SYNE1: variants seen among roughly 807,000 people sequenced by gnomAD.
The protein encoded by SYNE1 is spectrin repeat containing nuclear envelope protein 1, also known as nesprin-1.
A neutral mutation model predicts 1,111.0 loss-of-function variants in SYNE1; 616 were observed. The observed-to-expected ratio is 0.55, with a 90% CI of 0.52 to 0.59. The LOEUF (loss-of-function observed/expected upper bound fraction) is 0.59. Ranked by LOEUF, SYNE1 falls within the 20% of genes least tolerant of loss-of-function variation. The probability of loss-of-function intolerance (pLI) is 0.00; values close to 1 mark genes in which losing one functional copy is unlikely to be tolerated. For missense variants in SYNE1, 10,006 were observed against 10,417.0 expected, an observed-to-expected ratio of 0.96 and a Z score of 1.72; for synonymous variants, 3,855 against 3,825.8, an observed-to-expected ratio of 1.01 and a Z score of -0.28.
At chr6:152,154,575 T>G (rs1208431943) in intron 133 of SYNE1, among the ~76,000 whole-genome samples, 1 of 152,186 alleles carries the variant, frequency 6.6e-6, no homozygotes, top group Non-Finnish European at 1.5e-5. Flanking sequence ...GAAAAGATGG[T>G]TGACTGTGGA....
intron 33 of SYNE1, 52 bp downstream of exon 33, chr6:152,435,889 T>C (rs1329779456): frequency 1.2e-6 from 2 of 1,602,116 alleles, no homozygotes; most frequent in Admixed American, 1.7e-5. Context: ...CAGGAAAGAT[T>C]GTATGAAACT....
At chr6:152,196,931 G>A (rs941759372) in intron 127 of SYNE1, among the ~76,000 whole-genome samples, 2 of 152,146 alleles carry the variant, frequency 1.3e-5, no homozygotes, top group Non-Finnish European at 2.9e-5. Flanking sequence ...GGTAGCAAGT[G>A]CTTGTCAAAA....
chr6:152,378,305 GGC>G (rs2097332721), intron 56 of SYNE1, among the ~76,000 whole-genome samples: 1 of 152,120 alleles, frequency 6.6e-6, no homozygotes, highest in East Asian at 1.9e-4. Flanking sequence ...GTCAAGAGAT[GGC>G]CCAGATTTGT....
rs1385643278 is a variant in SYNE1, at chr6:152,369,515, G to A, written c.9607C>T (p.Leu3203Phe). ...CTCCTCTTTGCTGGCAGATCATAGA[G>A]GCGATTGCTGCTTTCATGGACCATC... ...EKMVHESSNR[L>F]YDLPAKRREQ... Residue 3203 changes from leucine to phenylalanine, a missense_variant, in exon 60 of 146, where the codon CTC becomes TTC. By Grantham distance (22) the Leu-to-Phe change is conservative (BLOSUM62 0). Around this residue, in one of 7 missense-constraint regions of SYNE1, gnomAD observed 4,955 missense variants for 5,017.2 expected, o/e 0.99. Transcript: ENST00000367255. The A allele has an allele frequency of 6.2e-7, 1 of 1,614,060 alleles. No individual in the cohort carries two copies. Among genetic ancestry groups the A allele is most frequent in the East Asian group, 2.2e-5 (1 of 44,890 alleles).
At chr6:152,370,265 G>A (rs778994980) in intron 59 of SYNE1, among the ~76,000 whole-genome samples, 6 of 152,040 alleles carry the variant, frequency 3.9e-5, no homozygotes, top group Non-Finnish European at 7.4e-5. Context: ...TCTGACACAG[G>A]TGTGCCTTGT....
At chr6:152,132,070 T>G (rs1469237856) in intron 144 of SYNE1, 52 bp downstream of exon 144, 1 of 1,532,034 alleles carries the variant, frequency 6.5e-7, no homozygotes, top group Admixed American at 1.7e-5. Flanking sequence ...ATACTGTCAC[T>G]TCCCAGTGTT....
At chr6:152,461,534 G>A in intron 21 of SYNE1, 63 bp downstream of exon 21, 4 of 1,606,312 alleles carry the variant, frequency 2.5e-6, no homozygotes, top group Non-Finnish European at 3.4e-6. Context: ...GAAGGAGGTA[G>A]CAAGCAAGCT....
chr6:152,416,119 T>A (rs2098150923), intron 41 of SYNE1, among the ~76,000 whole-genome samples: 1 of 152,126 alleles, frequency 6.6e-6, no homozygotes, highest in African/African-American at 2.4e-5. Flanking sequence ...GCTCAGTAAA[T>A]CAGCACTTTA....
intron 70 of SYNE1, 25 bp from the exon 71 acceptor site, chr6:152,350,795 G>A (rs1205350754): frequency 6.2e-7 from 1 of 1,610,994 alleles, no homozygotes; most frequent in South Asian, 1.1e-5. Context: ...AAAAAAAAAT[G>A]AGCCTGCTCA....
intron 137 of SYNE1, chr6:152,144,978 A>G (rs982255477): frequency 6.0e-6 from 1 of 165,898 alleles, no homozygotes; most frequent in Non-Finnish European, 1.3e-5. Flanking sequence ...AAAATTACAT[A>G]TATTTTTTAG....
In SYNE1 at chr6:152,450,654, G is replaced by A. The variant is rs200612820; in HGVS notation, c.3366C>T (p.Asp1122=). The change falls in exon 27 of 146, where the codon GAC becomes GAT. Residue 1122 remains aspartate (D), a synonymous_variant. Transcript: ENST00000367255. ...IDSTYRKLME[D]PDKWKDYTSR... ...TAGTGTAGTCCTTCCACTTGTCTGGGTCTTCCATGAGCTTCCTGTAGGTGC... is the reference window on the plus strand; with the variant it reads ...TAGTGTAGTCCTTCCACTTGTCTGGATCTTCCATGAGCTTCCTGTAGGTGC... 1.2e-6 allele frequency: 2 copies of A among 1,614,142 alleles called. No individual in the cohort carries two copies. The highest frequency in any genetic ancestry group is 1.7e-4 in the Middle Eastern group (1 of 6,050).
intron 91 of SYNE1, 54 bp downstream of exon 91, chr6:152,308,435 T>C (rs1260564101): frequency 5.6e-6 from 9 of 1,612,150 alleles, no homozygotes; most frequent in Admixed American, 3.3e-5. Flanking sequence ...ACCAAACATA[T>C]ACTCTAATCA....
intron 126 of SYNE1, among the ~76,000 whole-genome samples, chr6:152,202,929 A>G (rs1210333301): frequency 1.3e-5 from 2 of 152,358 alleles, no homozygotes; most frequent in East Asian, 3.9e-4. Flanking sequence ...ATTAAGATGT[A>G]GAAGAAGAGA....
chr6:152,533,043 G>A (rs2099212770), intron 4 of SYNE1, among the ~76,000 whole-genome samples: 1 of 152,132 alleles, frequency 6.6e-6, no homozygotes, highest in African/African-American at 2.4e-5. Flanking sequence ...TATAACCACT[G>A]ACAGTAGTCA....
chr6:152,142,444 T>C (rs868666451), intron 138 of SYNE1, among the ~76,000 whole-genome samples: 16 of 152,294 alleles, frequency 1.1e-4, no homozygotes, highest in African/African-American at 3.1e-4. Context: ...ATAAAAAAAA[T>C]GTAAGCAATG....
intron 83 of SYNE1, among the ~76,000 whole-genome samples, 159 bp from the exon 84 acceptor site, chr6:152,321,549 CT>C (rs1197350058): frequency 1.3e-5 from 2 of 152,022 alleles, no homozygotes; most frequent in Admixed American, 6.6e-5. Flanking sequence ...AGTATGTTCA[CT>C]TTAAAAAACA....
chr6:152,207,694 C>A (rs1280571428), intron 125 of SYNE1, among the ~76,000 whole-genome samples: 1 of 152,166 alleles, frequency 6.6e-6, no homozygotes, highest in Admixed American at 6.5e-5. Context: ...TCTTCCCTTG[C>A]CATTACCTTT....
chr6:152,492,587 T>C (rs1482177744), intron 11 of SYNE1, among the ~76,000 whole-genome samples: 1 of 152,170 alleles, frequency 6.6e-6, no homozygotes, highest in East Asian at 1.9e-4. Flanking sequence ...AATAGGACTG[T>C]CCAACTTGCC....
At chr6:152,619,093 C>T (rs1000282131) in intron 3 of SYNE1, among the ~76,000 whole-genome samples, 26 of 151,854 alleles carry the variant, frequency 1.7e-4, no homozygotes, top group African/African-American at 6.0e-4. Context: ...TCCTCATTAG[C>T]CCCAATCTGA....
Sources: allele counts gnomAD v4.1 joint callset (sites outside exome capture counted in the v4.1 genomes callset), GRCh38; gene constraint gnomAD v4.1.1; regional missense constraint gnomAD v4.1.1; transcripts MANE v1.5; gene names NCBI Gene and HGNC (gene_info 2026-07-23, HGNC 2026-07-21).